Variants in LRP1B observed in about 807,000 individuals in gnomAD.
The protein encoded by LRP1B is LDL receptor related protein 1B.
A neutral mutation model predicts 556.6 loss-of-function variants in LRP1B; 217 were observed. The observed-to-expected ratio is 0.39, with a 90% CI of 0.35 to 0.44. The LOEUF is 0.44. Ranked by LOEUF, LRP1B falls within the 20% of genes least tolerant of loss-of-function variation. The pLI, the probability that LRP1B is intolerant of heterozygous loss-of-function variation, is 1.00. For synonymous variants in LRP1B, 2,047 were observed against 1,865.8 expected, an observed-to-expected ratio of 1.10 and a Z score of -2.50; for missense variants, 5,053 against 5,620.8, an observed-to-expected ratio of 0.90 and a Z score of 3.23.
intron 70 of LRP1B, 43 bp from the exon 71 acceptor site, chr2:140,370,885 A>T (rs766550914): frequency 6.2e-7 from 1 of 1,600,884 alleles, no homozygotes; most frequent in African/African-American, 1.3e-5. Context: ...ATTAATGATA[A>T]TGATACAATC....
intron 32 of LRP1B, among the ~76,000 whole-genome samples, chr2:140,802,446 T>A (rs780562824): frequency 6.6e-6 from 1 of 152,166 alleles, no homozygotes; most frequent in African/African-American, 2.4e-5. Context: ...TCTACATGGG[T>A]TTAAGAAATA....
intron 7 of LRP1B, among the ~76,000 whole-genome samples, chr2:141,174,511 T>A (rs1680650916): frequency 6.6e-6 from 1 of 152,064 alleles, no homozygotes. Context: ...ACTTTCCCCG[T>A]TTTTCTCTCT....
intron 3 of LRP1B, among the ~76,000 whole-genome samples, chr2:141,255,098 AT>A (rs1684411445): frequency 6.6e-6 from 1 of 152,082 alleles, no homozygotes; most frequent in Non-Finnish European, 1.5e-5. Context: ...TGGTAGAAAA[AT>A]ATTAGAGAAA....
At chr2:141,528,043 T>C (rs1684749404) in intron 2 of LRP1B, among the ~76,000 whole-genome samples, 1 of 151,892 alleles carries the variant, frequency 6.6e-6, no homozygotes, top group Non-Finnish European at 1.5e-5. Flanking sequence ...AAAGTTCTCT[T>C]GTTGGCCTCT....
rs1346674721 is a variant in LRP1B, at chr2:141,020,009, C to T, written c.1883G>A (p.Arg628Lys). ...DGHRKTINVA[R>K]LEKASQSRKT... ...CCGACTCTGAGAAGCTTTTTCCAGC[C>T]TGGCCACATTAATGGTTTTCCTATG... Residue 628 changes from arginine (R) to lysine (K), a missense_variant, in exon 12 of 91, where the codon AGG (arginine) becomes AAG (lysine). Coordinates refer to ENST00000389484, the MANE Select transcript of LRP1B (RefSeq NM_018557.3). 1 of 1,611,916 alleles carries T rather than the reference C, an allele frequency of 6.2e-7. No individual in the cohort carries two copies. The highest frequency in any genetic ancestry group is 1.1e-5 in the South Asian group (1 of 90,948).
intron 31 of LRP1B, among the ~76,000 whole-genome samples, chr2:140,816,965 C>T (rs1691146332): frequency 6.6e-6 from 1 of 151,980 alleles, no homozygotes; most frequent in South Asian, 2.1e-4. Flanking sequence ...CTCTGTTGTG[C>T]TAATATTTAA....
intron 27 of LRP1B, among the ~76,000 whole-genome samples, chr2:140,854,209 C>T (rs1371577784): frequency 6.6e-6 from 1 of 152,042 alleles, no homozygotes; most frequent in Admixed American, 6.6e-5. Flanking sequence ...CCATAACAGT[C>T]TAATGGTAGG....
chr2:141,819,132 G>A (rs1696668064), intron 1 of LRP1B, among the ~76,000 whole-genome samples: 1 of 151,592 alleles, frequency 6.6e-6, no homozygotes, highest in African/African-American at 2.4e-5. Context: ...CAGCTACTCA[G>A]GAGGCAGAGG....
intron 1 of LRP1B, among the ~76,000 whole-genome samples, chr2:142,024,200 C>G (rs1703432293): frequency 6.6e-6 from 1 of 152,194 alleles, no homozygotes; most frequent in Non-Finnish European, 1.5e-5. Context: ...ATTATAAAAT[C>G]AGATTATCAT....
At chr2:140,589,035 T>G (rs1682111390) in intron 43 of LRP1B, among the ~76,000 whole-genome samples, 1 of 149,312 alleles carries the variant, frequency 6.7e-6, no homozygotes, top group Non-Finnish European at 1.5e-5. Context: ...TCTGACCAAA[T>G]GCAAAAATAA....
chr2:142,063,512 T>C (rs116365018), intron 1 of LRP1B, among the ~76,000 whole-genome samples: 2,059 of 151,796 alleles, frequency 0.014, 48 homozygotes, highest in African/African-American at 0.047. Context: ...CAGCAACATG[T>C]CTGCCTCTAC....
intron 83 of LRP1B, 23 bp downstream of exon 83, chr2:140,314,912 T>TACAATG: frequency 1.3e-6 from 2 of 1,543,680 alleles, no homozygotes; most frequent in Non-Finnish European, 1.8e-6. Context: ...AGATGTGAAA[T>TACAATG]ACAATGACAA....
At chr2:142,117,445 T>C (rs937912970) in intron 1 of LRP1B, among the ~76,000 whole-genome samples, 16 of 152,094 alleles carry the variant, frequency 1.1e-4, no homozygotes, top group Non-Finnish European at 1.8e-4. Context: ...ATCTTTTGCC[T>C]GCAGTGCACC....
chr2:140,886,979 T>C (rs908817106), intron 23 of LRP1B, among the ~76,000 whole-genome samples: 8 of 152,180 alleles, frequency 5.3e-5, no homozygotes, highest in African/African-American at 1.9e-4. Context: ...CTTTTAGTAT[T>C]ATTTTTTGTG....
Position 140,831,202 on chromosome 2 carries a change from C to G in LRP1B, c.5209+8789G>C, listed in dbSNP as rs185774054. Among the ~76,000 whole-genome samples the G allele has an allele frequency of 1.6e-3, 244 of 152,032 alleles. 2 individuals are homozygous for G. Among genetic ancestry groups the G allele is most frequent in the African/African-American group, 5.4e-3 (225 of 41,516 alleles). ...GATGTTACAGAGCCACAAAAGACCC[C>G]AAATAGCCAAAACAATCCTAAGCAA... On this transcript the variant is annotated intron_variant, in intron 31 of 90. Transcript: ENST00000389484.
intron 1 of LRP1B, among the ~76,000 whole-genome samples, chr2:142,115,534 TTACATATGTAATA>T: frequency 2.3e-5 from 1 of 43,998 alleles, no homozygotes; most frequent in African/African-American, 6.9e-5. Context: ...AATATATATA[TTACATATGTAATA>T]TATATATTAT....
intron 5 of LRP1B, among the ~76,000 whole-genome samples, chr2:141,240,258 G>C (rs1010363725): frequency 1.3e-5 from 2 of 152,002 alleles, no homozygotes; most frequent in South Asian, 2.1e-4. Flanking sequence ...AGTGCCCAAA[G>C]GGCATTCTCT....
chr2:140,805,383 A>T (rs968097039), intron 32 of LRP1B, among the ~76,000 whole-genome samples: 2 of 152,178 alleles, frequency 1.3e-5, no homozygotes, highest in South Asian at 4.1e-4. Flanking sequence ...CTTTCAGTTC[A>T]TAGTGAGGAT....
At chr2:141,797,970 A>G (rs1695877767) in intron 2 of LRP1B, among the ~76,000 whole-genome samples, 1 of 152,222 alleles carries the variant, frequency 6.6e-6, no homozygotes, top group Non-Finnish European at 1.5e-5. Flanking sequence ...GCAATGCATT[A>G]TCCTTGGTTG....
Sources: allele counts gnomAD v4.1 joint callset (sites outside exome capture counted in the v4.1 genomes callset), GRCh38; gene constraint gnomAD v4.1.1; transcripts MANE v1.5; gene names NCBI Gene and HGNC (gene_info 2026-07-23, HGNC 2026-07-21).